NEMP2: variants seen among roughly 807,000 people sequenced by gnomAD.
NEMP2 encodes the protein nuclear envelope integral membrane protein 2, also known as UPF0571 transmembrane protein.
Under a neutral mutation model 54.2 loss-of-function variants are expected in NEMP2, and 53 were observed. That is an observed-to-expected ratio of 0.98 (90% CI 0.78 to 1.23). The LOEUF (loss-of-function observed/expected upper bound fraction) is 1.23, where lower values mean the gene tolerates loss of function less well. NEMP2 is among the 50% of genes most tolerant of loss of function. The pLI, the probability that NEMP2 is intolerant of heterozygous loss-of-function variation, is 0.00. For missense variants in NEMP2, 455 were observed against 511.3 expected (o/e 0.89, Z 1.06); for synonymous variants, 197 against 190.3 (o/e 1.04, Z -0.29).
chr2:190,467,909 C>T, the NEMP2 span, among the ~76,000 whole-genome samples: 2 of 152,192 alleles, frequency 1.3e-5, no homozygotes, highest in Admixed American at 1.3e-4. This position sits in a 1 kb window ranked among gnomAD's most constrained non-coding sequence, Gnocchi z 5.5. Context: ...AGCTGAGGAG[C>T]TGCAACAGAG....
the NEMP2 span, among the ~76,000 whole-genome samples, chr2:190,591,289 A>G: frequency 6.6e-6 from 1 of 152,134 alleles, no homozygotes; most frequent in Non-Finnish European, 1.5e-5. The surrounding 1 kb of genome is among the most constrained non-coding windows in gnomAD (Gnocchi z 5.4). Flanking sequence ...TACAGTAAAG[A>G]TTGTCTGCAG....
At chr2:190,482,868 CTT>C in the NEMP2 span, among the ~76,000 whole-genome samples, 797 of 47,582 alleles carry the variant, frequency 0.017, no homozygotes, top group African/African-American at 0.029. Flanking sequence ...AGACTATCAT[CTT>C]TTTTTTTTTT....
rs905008058 is a variant in NEMP2 at position 190,534,701 on chromosome 2, C to T, written c.-46G>A. On this transcript the variant is annotated 5_prime_UTR_variant, in exon 1 of 9. Transcript: ENST00000409150. ...TGCGACCCGAGCCCTAGGGGACCGG[C>T]TCCGCTGCGAGGAGCGGAAGTGGCG... 1.5e-5 allele frequency: 19 copies of T among 1,232,460 alleles called. No homozygotes were observed. The East Asian group carries it at 5.4e-4, about 35-fold the overall frequency. 76.3% of individuals were successfully genotyped at this position (1,232,460 alleles called of 1,614,324 possible).
Position 190,534,631 on chromosome 2 carries a change from A to T in NEMP2, c.25T>A (p.Trp9Arg). 1.5e-6 allele frequency: 2 copies of T among 1,353,964 alleles called. No homozygotes were observed. Among genetic ancestry groups the T allele is most frequent in the Non-Finnish European group, 1.9e-6 (2 of 1,057,430 alleles). The allele number at this position is 1,353,964 out of a possible 1,614,324, so 83.9% of individuals were successfully genotyped here. A position where few individuals can be genotyped will look rare whatever the true frequency, so the allele number is the denominator to read the frequency against. Residue 9 changes from tryptophan (W) to arginine (R), a missense_variant, in exon 1 of 9, where the codon TGG becomes AGG. Coordinates refer to ENST00000409150, the MANE Select transcript of NEMP2 (RefSeq NM_001142645.2). ...AGGGGCGGCAGCCAGAGCAGCAGCC[A>T]CCACCGCCCTTGGCGCGGCCCCATT... MGPRQGRWWLLLWLPPLAT... is the reference protein window; with the variant it reads MGPRQGRWRLLLWLPPLAT...
chr2:190,609,847 T>C, the NEMP2 span: 4 of 152,224 alleles, frequency 2.6e-5, no homozygotes, highest in African/African-American at 9.7e-5. The surrounding 1 kb of genome is among the most constrained non-coding windows in gnomAD (Gnocchi z 4.7). Context: ...TGGAGGTGGT[T>C]GATTTGTTCC....
At chr2:190,559,045 T>C in the NEMP2 span, among the ~76,000 whole-genome samples, 19 of 152,264 alleles carry the variant, frequency 1.2e-4, 1 homozygote, top group East Asian at 3.5e-3. The surrounding 1 kb of genome is among the most constrained non-coding windows in gnomAD (Gnocchi z 4.0). Flanking sequence ...TTGGTGGCAG[T>C]ATGTAAGAAG....
the NEMP2 span, among the ~76,000 whole-genome samples, chr2:190,498,488 T>C: frequency 1.3e-5 from 2 of 152,174 alleles, no homozygotes; most frequent in African/African-American, 4.8e-5. This position sits in a 1 kb window ranked among gnomAD's most constrained non-coding sequence, Gnocchi z 5.9. Flanking sequence ...TTCAGAAAAT[T>C]TGTTGAACTG....
chr2:190,519,042 TG>T lies in NEMP2; in HGVS notation c.354del (p.Ile119Ter). On this transcript the variant is annotated frameshift_variant, in exon 3 of 9. Transcript: ENST00000409150. LOFTEE classifies it high-confidence loss of function. The surrounding 1 kb of genome is among the most constrained non-coding windows in gnomAD (Gnocchi z 5.4). ...FWIPKESNEI[T>X]IIINPYRETV... ...GTCTCCCTGTATGGATTGATGATTA[TG>T]GTTATTTCGTTAGATTCCTTTGGTA... 1 of 1,551,400 alleles carries T rather than the reference TG, an allele frequency of 6.4e-7. No individual in the cohort carries two copies. Among genetic ancestry groups the T allele is most frequent in the Non-Finnish European group, 8.7e-7 (1 of 1,146,926 alleles).
At chr2:190,431,162 A>C in the NEMP2 span, among the ~76,000 whole-genome samples, 2 of 147,452 alleles carry the variant, frequency 1.4e-5, no homozygotes, top group South Asian at 4.3e-4. This position sits in a 1 kb window ranked among gnomAD's most constrained non-coding sequence, Gnocchi z 4.4. Context: ...CCAGGCAGAG[A>C]CGCTCCTCAC....
chr2:190,483,882 CATAATTATTTTTAATGATT>C, the NEMP2 span, among the ~76,000 whole-genome samples: 1 of 149,760 alleles, frequency 6.7e-6, no homozygotes, highest in African/African-American at 2.5e-5. Context: ...TAATGTTACT[CATAATTATTTTTAATGATT>C]CTAGGTTATT....
the NEMP2 span, chr2:190,611,125 A>G: frequency 5.3e-5 from 8 of 152,332 alleles, no homozygotes; most frequent in Admixed American, 3.9e-4. This position sits in a 1 kb window ranked among gnomAD's most constrained non-coding sequence, Gnocchi z 5.4. Context: ...TAAACACACA[A>G]TTGACAAGGA....
the NEMP2 span, among the ~76,000 whole-genome samples, chr2:190,460,600 C>T: frequency 6.6e-6 from 1 of 152,184 alleles, no homozygotes; most frequent in African/African-American, 2.4e-5. Flanking sequence ...ATATGAAAGT[C>T]CTCACCCTGC....
At chr2:190,422,664 G>T in the NEMP2 span, among the ~76,000 whole-genome samples, 1 of 152,180 alleles carries the variant, frequency 6.6e-6, no homozygotes, top group Non-Finnish European at 1.5e-5. Flanking sequence ...CTGAAACGAT[G>T]ATGTGCTTTG....
At chr2:190,582,749 T>C in the NEMP2 span, among the ~76,000 whole-genome samples, 1 of 152,228 alleles carries the variant, frequency 6.6e-6, no homozygotes, top group Admixed American at 6.5e-5. The surrounding 1 kb of genome is among the most constrained non-coding windows in gnomAD (Gnocchi z 4.6). Context: ...TGTGATAGTC[T>C]TTAAGACTTT....
At chr2:190,623,865 C>T in the NEMP2 span, among the ~76,000 whole-genome samples, 1 of 152,096 alleles carries the variant, frequency 6.6e-6, no homozygotes, top group African/African-American at 2.4e-5. Flanking sequence ...GCAAAGGAAA[C>T]AATCAGCAAA....
At position 190,528,257 on chromosome 2, in the gene NEMP2, C is replaced by T. The variant is rs1245105573; in HGVS notation, c.98-2879G>A. On this transcript the variant is annotated intron_variant, in intron 1 of 8. Transcript: ENST00000409150. This position sits in a 1 kb window ranked among gnomAD's most constrained non-coding sequence, Gnocchi z 4.3. ...GAATGTCAAGGAATGTAGTATATAA[C>T]CTGGAAGATCCTGAGCAACTGCAAT... Among the ~76,000 whole-genome samples, 1 of 152,162 alleles carries T rather than the reference C, an allele frequency of 6.6e-6. No individual in the cohort carries two copies. The highest frequency in any genetic ancestry group is 1.9e-4 in the East Asian group (1 of 5,202).
chr2:190,436,888 A>G, the NEMP2 span: 3 of 1,614,082 alleles, frequency 1.9e-6, no homozygotes, highest in Non-Finnish European at 2.5e-6. The surrounding 1 kb of genome is among the most constrained non-coding windows in gnomAD (Gnocchi z 5.3). Flanking sequence ...AGTTGAAGCT[A>G]TATTCTTGGT....
the NEMP2 span, among the ~76,000 whole-genome samples, chr2:190,585,175 A>G: frequency 2.0e-5 from 3 of 152,234 alleles, no homozygotes. This position sits in a 1 kb window ranked among gnomAD's most constrained non-coding sequence, Gnocchi z 5.3. Context: ...AGCAGCTCAT[A>G]TGAATCTAAC....
chr2:190,598,442 AT>A, the NEMP2 span, among the ~76,000 whole-genome samples: 1 of 152,220 alleles, frequency 6.6e-6, no homozygotes, highest in Non-Finnish European at 1.5e-5. Context: ...GTAACTTATA[AT>A]TGCTTTTCTA....
Sources: gnomAD v4.1 joint callset for allele counts (sites outside exome capture counted in the v4.1 genomes callset) on GRCh38, gnomAD v4.1.1 for gene constraint, Gnocchi (gnomAD v3.1) non-coding constraint, MANE v1.5 for transcripts, NCBI Gene and HGNC (gene_info 2026-07-23, HGNC 2026-07-21) for gene names.